MYOG: variants seen among roughly 807,000 people sequenced by gnomAD.
MYOG encodes the protein class C basic helix-loop-helix protein 3.
In MYOG, 6 loss-of-function variants were observed where a neutral mutation model predicts 17.7. The observed-to-expected ratio is 0.34, with a 90% confidence interval of 0.19 to 0.67. The LOEUF (loss-of-function observed/expected upper bound fraction) is 0.67, where lower values mean the gene tolerates loss of function less well. MYOG is among the 30% of genes least tolerant of loss of function. MYOG has a pLI of 0.69. For synonymous variants in MYOG, 125 were observed against 130.2 expected (o/e 0.96, Z 0.27); for missense variants, 272 against 302.0 (o/e 0.90, Z 0.74).
chr1:203,084,195 A>AGTGT (rs3835486), intron 2 of MYOG, among the ~76,000 whole-genome samples, 164 bp from the exon 3 acceptor site: 12,198 of 135,364 alleles, frequency 0.09, 1,430 homozygotes, highest in East Asian at 0.52. Context: ...ATGCTCTGTG[A>AGTGT]GTGTGTGTGT....
Position 203,083,716 on chromosome 1 carries a change from G to A in MYOG, c.*194C>T. 3 of 789,958 alleles carry A rather than the reference G, an allele frequency of 3.8e-6. No homozygotes were observed. Among genetic ancestry groups the A allele is most frequent in the Non-Finnish European group, 5.9e-6 (3 of 505,436 alleles). The allele number at this position is 789,958 out of a possible 1,614,324, so 48.9% of individuals were successfully genotyped here. ...CTCTCCTCTAAGGAGGCAGCTGAAT[G>A]AGGGCGTCCAGTCCCTTGCTGGGGG... On this transcript the variant is annotated 3_prime_UTR_variant, in exon 3 of 3. Transcript: ENST00000241651.
chr1:203,084,008 T>G lies in MYOG; in HGVS notation c.577A>C (p.Thr193Pro), dbSNP rs531891626. ...PGDHLLTADP[T>P]DAHNLHSLTS... is the part of the protein sequence containing the mutation. ...AGGGAGTGCAGGTTGTGGGCATCTG[T>G]AGGGTCAGCCGTGAGCAGATGATCT... The change falls in exon 3 of 3, where the codon ACA (threonine) becomes CCA (proline). Residue 193 changes from threonine (T) to proline (P), a missense_variant. Thr to Pro is a conservative substitution (Grantham distance 38, BLOSUM62 -1). Coordinates refer to ENST00000241651, the MANE Select transcript of MYOG (RefSeq NM_002479.6). 1.6e-5 allele frequency: 25 copies of G among 1,597,008 alleles called. 1 individual carries two copies. In the African/African-American group the frequency reaches 3.1e-4, roughly 20 times the overall value.
In MYOG at chr1:203,083,736, T is replaced by C. The variant is rs1653551482; in HGVS notation, c.*174A>G. On this transcript the variant is annotated 3_prime_UTR_variant, in exon 3 of 3. Transcript: ENST00000241651. ...TGAATGAGGGCGTCCAGTCCCTTGC[T>C]GGGGGGTGGGTTAACCTTACATGGA... The C allele has an allele frequency of 1.2e-5, 11 of 954,296 alleles. No homozygotes were observed. Among genetic ancestry groups the C allele is most frequent in the Non-Finnish European group, 1.7e-5 (11 of 645,910 alleles). The allele number at this position is 954,296 out of a possible 1,614,324, so 59.1% of individuals were successfully genotyped here. A position where few individuals can be genotyped will look rare whatever the true frequency, so the allele number is the denominator to read the frequency against.
chr1:203,084,244 T>TGTGTGTGTGTGTG (rs1553263728), intron 2 of MYOG, among the ~76,000 whole-genome samples: 1 of 92,262 alleles, frequency 1.1e-5, no homozygotes, highest in African/African-American at 4.0e-5. Context: ...ATGCGCCTCT[T>TGTGTGTGTGTGTG]TTCTGAACTC....
chr1:203,085,359 G>A (rs1653591642), intron 1 of MYOG, 132 bp downstream of exon 1: 1 of 800,702 alleles, frequency 1.2e-6, no homozygotes, highest in East Asian at 2.7e-5. Flanking sequence ...ACCAGGGAAG[G>A]GCTCCTGCAG....
chr1:203,085,469 G>A (rs1387218470), intron 1 of MYOG, 22 bp downstream of exon 1: 1 of 1,595,378 alleles, frequency 6.3e-7, no homozygotes, highest in Non-Finnish European at 8.6e-7. Context: ...CCTTGGGGCA[G>A]GGGGATGGGA....
rs1313035047 is a variant in MYOG, at chr1:203,085,569, G to T, written c.393C>A (p.Arg131=). Residue 131 remains arginine (R), a synonymous_variant, in exon 1 of 3, where the codon CGC becomes CGA. Transcript: ENST00000241651. ...TGAGGGAGCTGAGCAGGGCCTGGAG[G>T]CGCTCGATGTACTGGATGGCACTGC... ...ILRSAIQYIE[R]LQALLSSLNQ... 6.2e-7 allele frequency: 1 copy of T among 1,614,052 alleles called. No homozygotes were observed. Among genetic ancestry groups the T allele is most frequent in the Non-Finnish European group, 8.5e-7 (1 of 1,180,004 alleles).
rs1412380026 is a variant in MYOG, at chr1:203,083,473, GC to G, written c.*436del. ...CTTCTTCTCTCTCAATTCAGGGCAG[GC>G]CCAGCCCAGCCACTGGCATCGGGAA... On this transcript the variant is annotated 3_prime_UTR_variant, in exon 3 of 3. Transcript: ENST00000241651. 2.9e-4 allele frequency: 122 copies of G among 413,574 alleles called. No individual in the cohort carries two copies. Among genetic ancestry groups the G allele is most frequent in the Non-Finnish European group, 1.7e-5 (4 of 233,712 alleles). 25.6% of individuals were successfully genotyped at this position (413,574 alleles called of 1,614,324 possible).
chr1:203,084,582 G>A, intron 2 of MYOG, 65 bp downstream of exon 2: 1 of 1,385,968 alleles, frequency 7.2e-7, no homozygotes, highest in East Asian at 2.4e-5. Flanking sequence ...AGGTAAGAGG[G>A]GAGAACCTGG....
chr1:203,084,075 G>T (rs1422288431), intron 2 of MYOG, 44 bp from the exon 3 acceptor site: 5 of 1,576,180 alleles, frequency 3.2e-6, no homozygotes, highest in Non-Finnish European at 4.3e-6. Flanking sequence ...GAGCAGTGGG[G>T]GTTCTTGAGG....
Position 203,083,727 on chromosome 1 carries a change from G to T in MYOG, c.*183C>A. 1 of 879,440 alleles carries T rather than the reference G, an allele frequency of 1.1e-6. No homozygotes were observed. The highest frequency in any genetic ancestry group is 1.7e-6 in the Non-Finnish European group (1 of 579,786). The allele number at this position is 879,440 out of a possible 1,614,324, so 54.5% of individuals were successfully genotyped here. On this transcript the variant is annotated 3_prime_UTR_variant, in exon 3 of 3. Transcript: ENST00000241651. ...GGAGGCAGCTGAATGAGGGCGTCCA[G>T]TCCCTTGCTGGGGGGTGGGTTAACC...
chr1:203,083,635 G>T lies in MYOG; in HGVS notation c.*275C>A. 1 of 566,806 alleles carries T rather than the reference G, an allele frequency of 1.8e-6. No homozygotes were observed. The highest frequency in any genetic ancestry group is 3.1e-6 in the Non-Finnish European group (1 of 318,826). 35.1% of individuals were successfully genotyped at this position (566,806 alleles called of 1,614,324 possible). A position where few individuals can be genotyped will look rare whatever the true frequency, so the allele number is the denominator to read the frequency against. On this transcript the variant is annotated 3_prime_UTR_variant, in exon 3 of 3. Transcript: ENST00000241651. ...TCCTGAGTTTGCCCCCTGAGCTGGG[G>T]CATACACGAGGGGGCGCTCTGGTCC...
Position 203,085,473 on chromosome 1 carries a change from G to C in MYOG, c.471+18C>G. On this transcript the variant is annotated intron_variant, in intron 1 of 2. Transcript: ENST00000241651. ...TGGCCCCGTCCCCTTGGGGCAGGGG[G>C]ATGGGATGGCCACTTACCCCTGGCT... 6.2e-7 allele frequency: 1 copy of C among 1,600,530 alleles called. No homozygotes were observed.
At chr1:203,084,079 C>T in intron 2 of MYOG, 48 bp from the exon 3 acceptor site, 2 of 1,573,982 alleles carry the variant, frequency 1.3e-6, no homozygotes, top group Non-Finnish European at 1.7e-6. Context: ...AGTGGGGGTT[C>T]TTGAGGCCCA....
At chr1:203,084,097 G>A in intron 2 of MYOG, 66 bp from the exon 3 acceptor site, 1 of 1,555,940 alleles carries the variant, frequency 6.4e-7, no homozygotes, top group Non-Finnish European at 8.7e-7. Context: ...CCAGAATAGA[G>A]GATGGGACCC....
rs1315716473 is a variant in MYOG at position 203,085,908 on chromosome 1, A to G, written c.54T>C (p.Asp18=). ...PYFYQEPRFY[D]GENYLPVHLQ... ...GGTGGACAGGCAGGTAGTTTTCCCCATCATAGAAGCGGGGTTCCTGGTAGA... is the reference window on the plus strand; with the variant it reads ...GGTGGACAGGCAGGTAGTTTTCCCCGTCATAGAAGCGGGGTTCCTGGTAGA... Residue 18 remains aspartate, a synonymous_variant, in exon 1 of 3, where the codon GAT becomes GAC. Coordinates refer to ENST00000241651, the MANE Select transcript of MYOG (RefSeq NM_002479.6). 1 of 1,609,336 alleles carries G rather than the reference A, an allele frequency of 6.2e-7. No individual in the cohort carries two copies. The highest frequency in any genetic ancestry group is 1.3e-5 in the African/African-American group (1 of 74,650).
Position 203,085,781 on chromosome 1 carries a change from A to G in MYOG, c.181T>C (p.Cys61Arg). ...EDKGLGTPEH[C>R]PGQCLPWACK... ...GCCCACGGCAGGCACTGGCCTGGACAGTGCTCGGGGGTCCCCAGCCCCTTG... is the reference window on the plus strand; with the variant it reads ...GCCCACGGCAGGCACTGGCCTGGACGGTGCTCGGGGGTCCCCAGCCCCTTG... Residue 61 changes from cysteine to arginine, a missense_variant, in exon 1 of 3, where the codon TGT becomes CGT. Physicochemically the swap from Cys to Arg is radical, Grantham distance 180 (BLOSUM62 -3). Coordinates refer to ENST00000241651, the MANE Select transcript of MYOG (RefSeq NM_002479.6). 6.2e-7 allele frequency: 1 copy of G among 1,613,822 alleles called. No homozygotes were observed. The highest frequency in any genetic ancestry group is 1.1e-5 in the South Asian group (1 of 91,072).
rs758978731 is a variant in MYOG, at chr1:203,084,030, A to T, written c.555T>A (p.Asp185Glu). The change falls in exon 3 of 3, where the codon GAT becomes GAA. Residue 185 changes from aspartate (D) to glutamate (E), a missense_variant and splice_region_variant. By Grantham distance (45) the Asp-to-Glu change is conservative. Coordinates refer to ENST00000241651, the MANE Select transcript of MYOG (RefSeq NM_002479.6). ...SALEFSANPG[D>E]HLLTADPTDA... Reference sequence around the variant, plus strand: ...CTGTAGGGTCAGCCGTGAGCAGATGATCTGTAAGGGGAGGTGGGAAGGTGG... The same window carrying T: ...CTGTAGGGTCAGCCGTGAGCAGATGTTCTGTAAGGGGAGGTGGGAAGGTGG... 1 of 1,596,772 alleles carries T rather than the reference A, an allele frequency of 6.3e-7. No homozygotes were observed. The highest frequency in any genetic ancestry group is 1.7e-4 in the Middle Eastern group (1 of 6,050).
chr1:203,085,851 C>A lies in MYOG; in HGVS notation c.111G>T (p.Arg37=). The change falls in exon 1 of 3, where the codon CGG becomes CGT. Residue 37 remains arginine (R), a synonymous_variant. Coordinates refer to ENST00000241651, the MANE Select transcript of MYOG (RefSeq NM_002479.6). ...LQGFEPPGYE[R]TELTLSPEAP... ...CCTCGGGGCTCAGGGTGAGCTCCGT[C>A]CGCTCGTAGCCTGGTGGTTCGAAGC... 1 of 1,614,022 alleles carries A rather than the reference C, an allele frequency of 6.2e-7. No homozygotes were observed. Among genetic ancestry groups the A allele is most frequent in the Non-Finnish European group, 8.5e-7 (1 of 1,179,950 alleles).
Sources: allele counts gnomAD v4.1 joint callset (sites outside exome capture counted in the v4.1 genomes callset), GRCh38; gene constraint gnomAD v4.1.1; transcripts MANE v1.5; gene names NCBI Gene and HGNC (gene_info 2026-07-23, HGNC 2026-07-21).